Variants in RNF111 observed in about 807,000 individuals in gnomAD.
RNF111 encodes E3 ubiquitin-protein ligase Arkadia.
RNF111 carries 17 observed loss-of-function variants against 95.1 expected under a neutral mutation model. That is an observed-to-expected ratio of 0.18 (90% CI 0.12 to 0.27). The LOEUF (loss-of-function observed/expected upper bound fraction) is 0.27, where lower values mean the gene tolerates loss of function less well. Ranked by LOEUF, RNF111 falls within the 10% of genes least tolerant of loss-of-function variation. The pLI, the probability that RNF111 is intolerant of heterozygous loss-of-function variation, is 1.00. For missense variants in RNF111, 1,189 were observed against 1,210.4 expected, an observed-to-expected ratio of 0.98 and a Z score of 0.26; for synonymous variants, 440 against 414.8, an observed-to-expected ratio of 1.06 and a Z score of -0.74.
At chr15:59,037,186 G>C (rs1793518523) in intron 2 of RNF111, among the ~76,000 whole-genome samples, 1 of 152,086 alleles carries the variant, frequency 6.6e-6, no homozygotes, top group South Asian at 2.1e-4. Flanking sequence ...GCTTCTTGCT[G>C]TCCCATTATT....
intron 1 of RNF111, among the ~76,000 whole-genome samples, chr15:59,015,579 T>C (rs2141594470): frequency 6.6e-6 from 1 of 151,602 alleles, no homozygotes; most frequent in African/African-American, 2.4e-5. Context: ...CAGAAACCTA[T>C]AATCCCTCAC....
intron 1 of RNF111, among the ~76,000 whole-genome samples, chr15:59,017,753 CTTTTTTTTT>C (rs200975904): frequency 2.0e-4 from 24 of 120,944 alleles, no homozygotes; most frequent in East Asian, 6.7e-4. Context: ...TTGTTGAACT[CTTTTTTTTT>C]TTTTTTTTTT....
intron 7 of RNF111, 121 bp from the exon 8 acceptor site, chr15:59,080,815 G>C: frequency 2.6e-6 from 2 of 772,228 alleles, no homozygotes. Context: ...TACTTTACTT[G>C]ATAAAGTATT....
At chr15:59,072,894 C>A (rs78352043) in intron 6 of RNF111, among the ~76,000 whole-genome samples, 46,445 of 144,778 alleles carry the variant, frequency 0.32, 7,670 homozygotes, top group East Asian at 0.46. Context: ...AAAAAAAAAA[C>A]AAAACACTTC....
At chr15:59,025,949 C>T (rs1331705845) in intron 1 of RNF111, among the ~76,000 whole-genome samples, 2 of 151,862 alleles carry the variant, frequency 1.3e-5, no homozygotes, top group African/African-American at 4.8e-5. Context: ...AGGCTGGTCT[C>T]GAACTCCCAA....
intron 6 of RNF111, among the ~76,000 whole-genome samples, chr15:59,071,683 C>G (rs1328952522): frequency 1.3e-5 from 2 of 150,368 alleles, no homozygotes; most frequent in South Asian, 2.1e-4. Context: ...TAACAGAGAT[C>G]CTGTCGCAAA....
intron 2 of RNF111, among the ~76,000 whole-genome samples, chr15:59,036,549 C>T (rs557776889): frequency 8.5e-5 from 13 of 152,172 alleles, no homozygotes; most frequent in East Asian, 1.9e-4. Flanking sequence ...TGTTCACTAC[C>T]GTGAGAACAT....
intron 1 of RNF111, among the ~76,000 whole-genome samples, chr15:58,990,844 T>G (rs2038781918): frequency 6.6e-6 from 1 of 152,204 alleles, no homozygotes; most frequent in African/African-American, 2.4e-5. Context: ...CCTGTAATTA[T>G]TGTTCAGTAA....
chr15:58,992,401 A>G (rs1273239156), intron 1 of RNF111, among the ~76,000 whole-genome samples: 3 of 152,154 alleles, frequency 2.0e-5, no homozygotes, highest in African/African-American at 4.8e-5. Context: ...GTGGAGGGAG[A>G]TAAGATAGAT....
At chr15:59,085,822 A>G (rs773182544) in intron 10 of RNF111, 37 bp downstream of exon 10, 3 of 1,581,764 alleles carry the variant, frequency 1.9e-6, no homozygotes, top group Admixed American at 1.7e-5. Context: ...GACATGTTCT[A>G]AAAGTTCCTT....
chr15:59,020,897 C>T (rs2040306341), intron 1 of RNF111, among the ~76,000 whole-genome samples: 1 of 152,040 alleles, frequency 6.6e-6, no homozygotes, highest in Non-Finnish European at 1.5e-5. Context: ...TTATGCCCTT[C>T]TTTTTTGTTG....
At chr15:59,055,523 T>TATTTGGTGATTCATTCAGCAA (rs33968358) in intron 3 of RNF111, among the ~76,000 whole-genome samples, 159 bp from the exon 4 acceptor site, 2 of 151,680 alleles carry the variant, frequency 1.3e-5, no homozygotes, top group Non-Finnish European at 2.9e-5. Context: ...TTAGGTCAAT[T>TATTTGGTGATTCATTCAGCAA]AGTTTACCGA....
chr15:59,090,279 G>T (rs1248113645), intron 11 of RNF111, among the ~76,000 whole-genome samples: 17 of 152,072 alleles, frequency 1.1e-4, no homozygotes, highest in Admixed American at 1.1e-3. Flanking sequence ...ACCCAGACTG[G>T]AGTGCAGTTG....
intron 1 of RNF111, among the ~76,000 whole-genome samples, chr15:58,993,338 G>T (rs60899149): frequency 0.021 from 3,250 of 151,970 alleles, 70 homozygotes; most frequent in African/African-American, 0.043. Flanking sequence ...GTGAAACCTT[G>T]TCTCTACTAA....
intron 9 of RNF111, among the ~76,000 whole-genome samples, chr15:59,085,247 C>T (rs10518996): frequency 0.4 from 60,273 of 151,956 alleles, 13,848 homozygotes; most frequent in African/African-American, 0.63. Context: ...CTATTCTAAT[C>T]GTCCTTAATG....
chr15:59,024,484 A>G (rs1284824903), intron 1 of RNF111, among the ~76,000 whole-genome samples: 1 of 152,114 alleles, frequency 6.6e-6, no homozygotes, highest in Non-Finnish European at 1.5e-5. Flanking sequence ...TAAGAAAGAC[A>G]GAATATGAGT....
At chr15:59,019,977 A>G (rs1332190477) in intron 1 of RNF111, among the ~76,000 whole-genome samples, 2 of 152,034 alleles carry the variant, frequency 1.3e-5, no homozygotes, top group Admixed American at 6.6e-5. Flanking sequence ...AAAAAACACA[A>G]AAGTATTTAT....
chr15:59,019,787 T>C (rs1175663077), intron 1 of RNF111, among the ~76,000 whole-genome samples: 1 of 152,030 alleles, frequency 6.6e-6, no homozygotes, highest in East Asian at 1.9e-4. Context: ...GGTAAAACCC[T>C]GTCTTTACTG....
At position 59,031,859 on chromosome 15, in the gene RNF111, A is replaced by G. The variant is rs76936377; in HGVS notation, c.880+157A>G. On this transcript the variant is annotated intron_variant, in intron 2 of 13. Transcript: ENST00000348370. The stretch of plus-strand genomic sequence containing the variant: ...AAATTACCAATTGCAGTATTAAACC[A>G]TGACTCTAATGCTAAGATAAAAATT... Among the ~76,000 whole-genome samples the G allele has an allele frequency of 8.7e-3, 1,320 of 152,322 alleles. 15 individuals carry two copies. The highest frequency in any genetic ancestry group is 0.03 in the African/African-American group (1,262 of 41,572).
Sources: allele counts gnomAD v4.1 joint callset (sites outside exome capture counted in the v4.1 genomes callset), GRCh38; gene constraint gnomAD v4.1.1; transcripts MANE v1.5; gene names NCBI Gene and HGNC (gene_info 2026-07-23, HGNC 2026-07-21).